Variants in C4orf51 observed in about 807,000 individuals in gnomAD.
The protein encoded by C4orf51 is chromosome 4 open reading frame 51, also known as uncharacterized protein C4orf51.
A neutral mutation model predicts 25.2 loss-of-function variants in C4orf51; 25 were observed. The ratio of observed to expected loss-of-function variants is 0.99; its 90% CI spans 0.72 to 1.39. C4orf51 has a LOEUF of 1.39. C4orf51 is among the 40% of genes most tolerant of loss of function. The pLI, the probability that C4orf51 is intolerant of heterozygous loss-of-function variation, is 0.00. For synonymous variants in C4orf51, 100 were observed against 84.5 expected (o/e 1.18, Z -1.01); for missense variants, 252 against 239.6 (o/e 1.05, Z -0.34).
chr4:145,689,444 T>C (rs1384604752), intron 1 of C4orf51, among the ~76,000 whole-genome samples: 2 of 152,048 alleles, frequency 1.3e-5, no homozygotes, highest in East Asian at 3.9e-4. Flanking sequence ...TATGAATTTG[T>C]AAAAACTCTT....
downstream of C4orf51, among the ~76,000 whole-genome samples, chr4:145,754,678 T>C (rs1210268108): frequency 6.6e-6 from 1 of 152,246 alleles, no homozygotes; most frequent in Non-Finnish European, 1.5e-5. Flanking sequence ...CTCGCGCCTG[T>C]AATCCCAGCA....
chr4:145,693,639 G>A (rs1411916874), intron 1 of C4orf51, among the ~76,000 whole-genome samples: 13 of 117,766 alleles, frequency 1.1e-4, no homozygotes, highest in African/African-American at 3.1e-4. Flanking sequence ...CCTCCCGGAC[G>A]GGGCGGCTGG....
intron 1 of C4orf51, among the ~76,000 whole-genome samples, chr4:145,691,323 G>C (rs1560821865): frequency 6.6e-6 from 1 of 152,138 alleles, no homozygotes; most frequent in African/African-American, 2.4e-5. Context: ...AGAGAAAAGG[G>C]AACATTTATA....
At chr4:145,728,021 AATATATATT>A (rs1222225055) in intron 3 of C4orf51, among the ~76,000 whole-genome samples, 1 of 125,592 alleles carries the variant, frequency 8.0e-6, no homozygotes, top group East Asian at 2.1e-4. Flanking sequence ...GTGTATATAT[AATATATATT>A]ATATATAATA....
At chr4:145,783,743 C>G in the C4orf51 span, among the ~76,000 whole-genome samples, 2 of 152,318 alleles carry the variant, frequency 1.3e-5, no homozygotes, top group African/African-American at 4.8e-5. Flanking sequence ...GGCTGGGACT[C>G]TGGCAGCCAT....
intron 1 of C4orf51, among the ~76,000 whole-genome samples, chr4:145,746,095 A>G (rs1223354923): frequency 6.6e-6 from 1 of 152,056 alleles, no homozygotes; most frequent in Non-Finnish European, 1.5e-5. Context: ...GAGTTGTTTG[A>G]ACTCCTTATA....
intron 1 of C4orf51, among the ~76,000 whole-genome samples, chr4:145,767,135 C>T (rs937399457): frequency 1.1e-4 from 16 of 152,100 alleles, no homozygotes; most frequent in African/African-American, 3.6e-4. Context: ...TGTTAGACTT[C>T]GCAGACAAGG....
intron 1 of C4orf51, among the ~76,000 whole-genome samples, chr4:145,696,105 T>TA (rs953193524): frequency 1.8e-4 from 28 of 152,000 alleles, no homozygotes; most frequent in African/African-American, 6.5e-4. Flanking sequence ...CTACTAAAAA[T>TA]AAAAAAATTA....
intron 1 of C4orf51, among the ~76,000 whole-genome samples, chr4:145,686,821 C>G (rs1039554582): frequency 1.3e-5 from 2 of 152,112 alleles, no homozygotes; most frequent in African/African-American, 4.8e-5. Context: ...CATAATGAAG[C>G]ACTGATTAAT....
rs567948996 is a variant in C4orf51 at position 145,763,895 on chromosome 4, C to T, written n.167-7093C>T. Among the ~76,000 whole-genome samples the T allele has an allele frequency of 4.6e-5, 7 of 150,968 alleles. No homozygotes were observed. The highest frequency in any genetic ancestry group is 2.0e-4 in the East Asian group (1 of 5,038). On this transcript the variant is annotated intron_variant and non_coding_transcript_variant, in intron 1 of 1. Coordinates refer to the C4orf51 transcript ENST00000510096. The surrounding 1 kb of genome is among the most constrained non-coding windows in gnomAD (Gnocchi z 4.6). The stretch of plus-strand genomic sequence containing the variant: ...AAGAGTGAAACGAAATGGAGTTCAA[C>T]GGAGGTCCTGTTGTTCCCTGACTCT...
At chr4:145,728,937 G>T (rs1172940617) in intron 3 of C4orf51, among the ~76,000 whole-genome samples, 2 of 150,932 alleles carry the variant, frequency 1.3e-5, no homozygotes, top group African/African-American at 4.9e-5. Context: ...TTTGAGACAG[G>T]GTCTTGCTAT....
chr4:145,721,872 G>A (rs1001849875), intron 2 of C4orf51, among the ~76,000 whole-genome samples: 6 of 152,192 alleles, frequency 3.9e-5, no homozygotes, highest in Non-Finnish European at 5.9e-5. Flanking sequence ...TGAGATGGGC[G>A]GGAGTTACGT....
At chr4:145,698,790 C>T (rs1444932878) in intron 2 of C4orf51, among the ~76,000 whole-genome samples, 1 of 152,130 alleles carries the variant, frequency 6.6e-6, no homozygotes. Context: ...TTTTGGTTTA[C>T]AAGTTCATTA....
downstream of C4orf51, among the ~76,000 whole-genome samples, chr4:145,735,641 T>C (rs1010895995): frequency 2.6e-5 from 4 of 152,220 alleles, no homozygotes; most frequent in African/African-American, 9.7e-5. Flanking sequence ...GAATGAACTT[T>C]GGCTGGCATA....
intron 2 of C4orf51, 107 bp downstream of exon 2, chr4:145,696,739 A>T: frequency 1.2e-6 from 1 of 856,054 alleles, no homozygotes; most frequent in Non-Finnish European, 1.8e-6. Context: ...TGATTGACAA[A>T]TAAAAATTGT....
chr4:145,698,689 C>A (rs113483402), intron 2 of C4orf51, among the ~76,000 whole-genome samples: 123 of 152,310 alleles, frequency 8.1e-4, no homozygotes, highest in African/African-American at 2.8e-3. Context: ...CACTTCCCAT[C>A]ATGCCCTGAA....
At chr4:145,709,756 A>G (rs1731033139) in intron 2 of C4orf51, among the ~76,000 whole-genome samples, 1 of 152,212 alleles carries the variant, frequency 6.6e-6, no homozygotes. Context: ...TTTAGGCTTT[A>G]GTCCCACCAT....
the C4orf51 span, among the ~76,000 whole-genome samples, chr4:145,787,278 C>T: frequency 7.9e-5 from 12 of 152,040 alleles, no homozygotes; most frequent in African/African-American, 2.7e-4. Context: ...GCCTGGCCAA[C>T]ATAGTGACAC....
chr4:145,692,059 T>A (rs1729610725), intron 1 of C4orf51, among the ~76,000 whole-genome samples: 3 of 152,230 alleles, frequency 2.0e-5, no homozygotes, highest in Non-Finnish European at 4.4e-5. Flanking sequence ...ATTGTAGACC[T>A]AGCAATTCTA....
Sources: gnomAD v4.1 joint callset for allele counts (sites outside exome capture counted in the v4.1 genomes callset) on GRCh38, gnomAD v4.1.1 for gene constraint, Gnocchi (gnomAD v3.1) non-coding constraint, MANE v1.5 for transcripts, NCBI Gene and HGNC (gene_info 2026-07-23, HGNC 2026-07-21) for gene names.